Variants in MBD5 observed in about 807,000 individuals in gnomAD.
The protein encoded by MBD5 is methyl-CpG binding domain protein 5, also known as methyl-CpG-binding domain protein 5.
A neutral mutation model predicts 117.3 loss-of-function variants in MBD5; 13 were observed. The observed-to-expected ratio is 0.11, with a 90% CI of 0.07 to 0.18. The LOEUF is 0.18. MBD5 is among the 10% of genes least tolerant of loss of function. The pLI is 1.00. For missense variants in MBD5, 1,879 were observed against 2,093.8 expected (o/e 0.90, Z 2.00); for synonymous variants, 727 against 766.4 (o/e 0.95, Z 0.85).
At chr2:148,471,563 C>G (rs940950183) in intron 8 of MBD5, 3 of 152,086 alleles carry the variant, frequency 2.0e-5, no homozygotes, top group Non-Finnish European at 4.4e-5. Flanking sequence ...GCTGGAGAAG[C>G]ATTCTAACCC....
intron 11 of MBD5, 165 bp downstream of exon 11, chr2:148,490,759 T>G: frequency 1.2e-6 from 1 of 814,650 alleles, no homozygotes; most frequent in Middle Eastern, 3.6e-4. Context: ...GGGATGGTTA[T>G]AGTCAACAAA....
chr2:148,344,093 T>C (rs1448850877), intron 4 of MBD5, among the ~76,000 whole-genome samples: 2 of 152,126 alleles, frequency 1.3e-5, no homozygotes, highest in Non-Finnish European at 2.9e-5. Flanking sequence ...TTGCTTAATT[T>C]TGTCAACTTT....
intron 2 of MBD5, chr2:148,196,085 A>G (rs1698979999): frequency 6.6e-6 from 1 of 152,190 alleles, no homozygotes; most frequent in Admixed American, 6.6e-5. Flanking sequence ...TTGCACAGGT[A>G]TCATTGGTAT....
chr2:148,039,524 G>A (rs1185645968), intron 1 of MBD5, among the ~76,000 whole-genome samples: 1 of 152,102 alleles, frequency 6.6e-6, no homozygotes, highest in East Asian at 1.9e-4. Flanking sequence ...GGCTTAAAAT[G>A]TTGGAAATCA....
At chr2:148,447,061 GAAAGAAAGAA>G (rs558469497) in intron 4 of MBD5, among the ~76,000 whole-genome samples, 426 of 144,576 alleles carry the variant, frequency 2.9e-3, no homozygotes, top group African/African-American at 9.8e-3. Flanking sequence ...AAGAGAGAAA[GAAAGAAAGAA>G]AAAGAAAGAA....
At position 148,221,441 on chromosome 2, in the gene MBD5, T is replaced by C. The variant is rs557251414; in HGVS notation, c.-830-11804T>C. 7.9e-5 allele frequency among the ~76,000 whole-genome samples: 12 copies of C among 152,322 alleles called. No homozygotes were observed. The East Asian group carries it at 2.1e-3, about 27-fold the overall frequency. On this transcript the variant is annotated intron_variant, in intron 2 of 13. Transcript: ENST00000642680. ...CCAGCATTTGTTATTGCCTTTCTTT[T>C]GACTAAAAGCCGTTTTAACTGAGGT...
intron 1 of MBD5, among the ~76,000 whole-genome samples, chr2:148,073,717 G>T (rs1036927654): frequency 6.6e-6 from 1 of 152,050 alleles, no homozygotes; most frequent in Admixed American, 6.6e-5. Flanking sequence ...AGGTACTATT[G>T]TTATCCCTAT....
intron 1 of MBD5, among the ~76,000 whole-genome samples, chr2:148,086,195 G>T (rs1695788091): frequency 6.6e-6 from 1 of 151,614 alleles, no homozygotes; most frequent in African/African-American, 2.4e-5. Context: ...GTGTTTGTGT[G>T]TGTGTGTGTG....
intron 3 of MBD5, among the ~76,000 whole-genome samples, chr2:148,267,594 CA>C (rs1700888282): frequency 6.6e-6 from 1 of 152,140 alleles, no homozygotes; most frequent in African/African-American, 2.4e-5. Flanking sequence ...CCTCCCTCTC[CA>C]GAGGTAACCA....
chr2:148,307,055 T>A (rs1181538434), intron 3 of MBD5, among the ~76,000 whole-genome samples: 2 of 152,160 alleles, frequency 1.3e-5, no homozygotes, highest in African/African-American at 4.8e-5. Context: ...TGGGGAACTT[T>A]GTCAAAAATG....
chr2:148,467,011 G>A (rs1301674631), intron 7 of MBD5, among the ~76,000 whole-genome samples: 3 of 152,128 alleles, frequency 2.0e-5, no homozygotes, highest in African/African-American at 7.2e-5. Flanking sequence ...GCAAATGAAT[G>A]TAACTCTACT....
intron 2 of MBD5, among the ~76,000 whole-genome samples, chr2:148,221,149 G>A (rs1699676193): frequency 1.3e-5 from 2 of 152,064 alleles, no homozygotes; most frequent in Non-Finnish European, 2.9e-5. Flanking sequence ...TTGTGTGTCA[G>A]TACCACACTT....
At chr2:148,249,373 A>G (rs1700413335) in intron 3 of MBD5, among the ~76,000 whole-genome samples, 1 of 152,164 alleles carries the variant, frequency 6.6e-6, no homozygotes, top group Non-Finnish European at 1.5e-5. Flanking sequence ...AAGGGGCAAA[A>G]TCCACTGCCA....
intron 3 of MBD5, among the ~76,000 whole-genome samples, chr2:148,278,290 G>C (rs1701161701): frequency 6.6e-6 from 1 of 152,112 alleles, no homozygotes; most frequent in African/African-American, 2.4e-5. Flanking sequence ...GGTTTAGTGT[G>C]TGATCTGTTT....
chr2:148,483,879 G>C lies in MBD5; in HGVS notation c.3288G>C (p.Ser1096=). The change falls in exon 9 of 14, where the codon TCG becomes TCC. Residue 1096 remains serine (S), a synonymous_variant. Transcript: ENST00000642680. ...NPQLLGGVLN[S]ASANTANHPE... ...AGCTGTTGGGAGGTGTCCTGAACTCGGCATCGGCCAACACCGCTAATCATC... is the reference window on the plus strand; with the variant it reads ...AGCTGTTGGGAGGTGTCCTGAACTCCGCATCGGCCAACACCGCTAATCATC... The C allele has an allele frequency of 6.4e-7, 1 of 1,550,494 alleles. No individual in the cohort carries two copies. Among genetic ancestry groups the C allele is most frequent in the Non-Finnish European group, 8.7e-7 (1 of 1,146,968 alleles).
chr2:148,483,300 C>A lies in MBD5; in HGVS notation c.2709C>A (p.Asn903Lys). The change falls in exon 9 of 14, where the codon AAC (asparagine) becomes AAA (lysine). Residue 903 changes from asparagine to lysine, a missense_variant. Physicochemically the swap from Asn to Lys is moderately conservative, Grantham distance 94. Transcript: ENST00000642680. ...GQEHALHFPSNSTSNNHLPHP... is the reference protein window; with the variant it reads ...GQEHALHFPSKSTSNNHLPHP... Reference sequence around the variant, plus strand: ...AGCACGCACTTCATTTTCCATCCAACAGCACTTCAAACAACCATCTTCCAC... The same window carrying A: ...AGCACGCACTTCATTTTCCATCCAAAAGCACTTCAAACAACCATCTTCCAC... The A allele has an allele frequency of 6.2e-7, 1 of 1,614,138 alleles. No homozygotes were observed. The highest frequency in any genetic ancestry group is 8.5e-7 in the Non-Finnish European group (1 of 1,180,008).
intron 1 of MBD5, among the ~76,000 whole-genome samples, chr2:148,119,528 TTTTCTTCTTTTAC>T (rs768369524): frequency 1.3e-5 from 2 of 152,188 alleles, no homozygotes; most frequent in African/African-American, 2.4e-5. Flanking sequence ...TTTATTATTT[TTTTCTTCTTTTAC>T]TTGTGCTTTT....
intron 1 of MBD5, among the ~76,000 whole-genome samples, chr2:148,046,176 G>T (rs1408523152): frequency 6.6e-6 from 1 of 151,762 alleles, no homozygotes; most frequent in Non-Finnish European, 1.5e-5. Context: ...TAGAGACGGG[G>T]TTTCACCATG....
intron 3 of MBD5, among the ~76,000 whole-genome samples, chr2:148,262,640 T>A (rs1306698502): frequency 2.0e-5 from 3 of 152,180 alleles, no homozygotes; most frequent in Non-Finnish European, 2.9e-5. Flanking sequence ...TCCAAGGTCA[T>A]ATACCAAGGT....
Sources: gnomAD v4.1 joint callset for allele counts (sites outside exome capture counted in the v4.1 genomes callset) on GRCh38, gnomAD v4.1.1 for gene constraint, MANE v1.5 for transcripts, NCBI Gene and HGNC (gene_info 2026-07-23, HGNC 2026-07-21) for gene names.